Variants in LNPEP observed in about 807,000 individuals in gnomAD.
LNPEP encodes the protein leucyl-cystinyl aminopeptidase.
In LNPEP, 64 loss-of-function variants were observed where a neutral mutation model predicts 120.6. The ratio of observed to expected loss-of-function variants is 0.53; its 90% CI spans 0.43 to 0.65. LNPEP has a LOEUF of 0.65. LNPEP is among the 30% of genes least tolerant of loss of function. LNPEP has a pLI of 0.00. For synonymous variants in LNPEP, 435 were observed against 425.4 expected, an observed-to-expected ratio of 1.02 and a Z score of -0.28; for missense variants, 1,057 against 1,200.0, an observed-to-expected ratio of 0.88 and a Z score of 1.76.
intron 13 of LNPEP, among the ~76,000 whole-genome samples, chr5:97,021,923 G>GTTTTTTTTTTTTTTTTTTTTTTTTTTTTT (rs1165456605): frequency 1.7e-5 from 1 of 57,170 alleles, no homozygotes; most frequent in Non-Finnish European, 3.1e-5. Context: ...TTTGTCTTTT[G>GTTTTTTTTTTTTTTTTTTTTTTTTTTTTT]TTTTTTTTTT....
chr5:96,953,131 T>G (rs1789363707), intron 1 of LNPEP, among the ~76,000 whole-genome samples: 1 of 147,252 alleles, frequency 6.8e-6, no homozygotes, highest in Admixed American at 6.8e-5. Context: ...GGTTTGACTA[T>G]ACCTGGAACA....
intron 11 of LNPEP, among the ~76,000 whole-genome samples, chr5:97,013,084 C>G (rs1159326140): frequency 6.6e-6 from 1 of 152,118 alleles, no homozygotes; most frequent in Non-Finnish European, 1.5e-5. Context: ...CCTCTTTCCT[C>G]TAGCCATAAT....
chr5:96,983,267 A>G lies in LNPEP; in HGVS notation c.861-1813A>G, dbSNP rs183710965. Among the ~76,000 whole-genome samples, 6 of 151,892 alleles carry G rather than the reference A, an allele frequency of 4.0e-5. No homozygotes were observed. The South Asian group carries it at 6.2e-4, about 16-fold the overall frequency. On this transcript the variant is annotated intron_variant, in intron 2 of 17. Coordinates refer to ENST00000231368, the MANE Select transcript of LNPEP (RefSeq NM_005575.3). ...GCTACCACCTCCAAGTGGTGGTTGT[A>G]TATGTGCTATATTGATTGGTACCTG...
chr5:96,995,902 C>A (rs1002875213), intron 6 of LNPEP: 1 of 154,834 alleles, frequency 6.5e-6, no homozygotes, highest in African/African-American at 2.4e-5. Context: ...ATTTGGGCAA[C>A]TGAGGAGAAA....
rs774907275 is a variant in LNPEP at position 97,006,524 on chromosome 5, A to G, written c.2035+9A>G. 1.9e-5 allele frequency: 25 copies of G among 1,346,854 alleles called. No homozygotes were observed. Among genetic ancestry groups the G allele is most frequent in the Admixed American group, 3.5e-5 (2 of 57,658 alleles). 83.4% of individuals were successfully genotyped at this position (1,346,854 alleles called of 1,614,324 possible). A position where few individuals can be genotyped will look rare whatever the true frequency, so the allele number is the denominator to read the frequency against. On this transcript the variant is annotated intron_variant, in intron 11 of 17. Coordinates refer to ENST00000231368, the MANE Select transcript of LNPEP (RefSeq NM_005575.3). Reference sequence around the variant, plus strand: ...ACTGGATAAGAAATCAGGTTTGACTATAATGACAGTTCTGATTGGAAATGG... The same window carrying G: ...ACTGGATAAGAAATCAGGTTTGACTGTAATGACAGTTCTGATTGGAAATGG...
At chr5:97,027,573 G>A (rs965471282) in intron 16 of LNPEP, among the ~76,000 whole-genome samples, 160 bp from the exon 17 acceptor site, 2 of 151,886 alleles carry the variant, frequency 1.3e-5, no homozygotes, top group African/African-American at 2.4e-5. Flanking sequence ...CCTTCCCACC[G>A]ACAATAAGTA....
chr5:96,969,993 G>T (rs954175989), intron 1 of LNPEP, among the ~76,000 whole-genome samples: 1 of 151,680 alleles, frequency 6.6e-6, no homozygotes, highest in Non-Finnish European at 1.5e-5. Context: ...TCTAGGGATT[G>T]TTTACCTAAT....
intron 6 of LNPEP, among the ~76,000 whole-genome samples, chr5:96,995,511 G>A (rs1484542335): frequency 6.7e-6 from 1 of 149,304 alleles, no homozygotes; most frequent in East Asian, 2.0e-4. Context: ...GACTTCATTT[G>A]TTTATATATG....
chr5:97,019,802 A>G (rs185484631), intron 13 of LNPEP, among the ~76,000 whole-genome samples: 1 of 151,928 alleles, frequency 6.6e-6, no homozygotes, highest in Admixed American at 6.6e-5. Flanking sequence ...TTTGACAGTT[A>G]TGAGTAGGAT....
intron 3 of LNPEP, 128 bp from the exon 4 acceptor site, chr5:96,986,411 A>T: frequency 1.1e-6 from 1 of 871,652 alleles, no homozygotes; most frequent in Non-Finnish European, 1.8e-6. Flanking sequence ...AGAAATTCAT[A>T]CTGAGAGGTT....
At chr5:96,944,560 CTTTTT>C (rs60017687) in intron 1 of LNPEP, among the ~76,000 whole-genome samples, 10 of 56,364 alleles carry the variant, frequency 1.8e-4, no homozygotes, top group South Asian at 7.1e-4. Flanking sequence ...CTTATTTTTG[CTTTTT>C]TTTTTTTTTT....
rs749961185 is a variant in LNPEP at position 96,979,397 on chromosome 5, T to C, written c.279T>C (p.Thr93=). The change falls in exon 2 of 18, where the codon ACT becomes ACC. Residue 93 remains threonine, a synonymous_variant. Coordinates refer to ENST00000231368, the MANE Select transcript of LNPEP (RefSeq NM_005575.3). Reference sequence around the variant, plus strand: ...GCTCAGGCCTTCGGAACAGTGCAACTGGTTACAGGCAGAGCCCAGATGGGG... The same window carrying C: ...GCTCAGGCCTTCGGAACAGTGCAACCGGTTACAGGCAGAGCCCAGATGGGG... ...NRSSGLRNSA[T]GYRQSPDGAC... 4.3e-6 allele frequency: 7 copies of C among 1,614,104 alleles called. No individual in the cohort carries two copies. In the South Asian group the frequency reaches 6.6e-5, roughly 15 times the overall value.
chr5:97,027,673 G>A, intron 16 of LNPEP, 60 bp from the exon 17 acceptor site: 1 of 1,085,674 alleles, frequency 9.2e-7, no homozygotes, highest in East Asian at 2.4e-5. Flanking sequence ...CTTGCACTCA[G>A]GAACAACGCT....
chr5:96,994,604 C>T (rs1420257156), intron 6 of LNPEP, among the ~76,000 whole-genome samples: 1 of 152,028 alleles, frequency 6.6e-6, no homozygotes, highest in East Asian at 1.9e-4. Flanking sequence ...CATAACACCC[C>T]CATTCTTCCC....
At chr5:96,952,008 A>AT (rs146126614) in intron 1 of LNPEP, among the ~76,000 whole-genome samples, 2 of 152,004 alleles carry the variant, frequency 1.3e-5, no homozygotes, top group South Asian at 4.2e-4. Context: ...CACTCTTAAA[A>AT]TTTTTTTTAT....
chr5:96,943,880 C>T (rs1165233651), intron 1 of LNPEP, among the ~76,000 whole-genome samples: 1 of 152,160 alleles, frequency 6.6e-6, no homozygotes, highest in East Asian at 1.9e-4. Context: ...AGTCACTGAA[C>T]CAGAACTTGA....
chr5:96,984,455 T>A (rs1176295878), intron 2 of LNPEP, among the ~76,000 whole-genome samples: 3 of 152,120 alleles, frequency 2.0e-5, no homozygotes, highest in Non-Finnish European at 2.9e-5. Flanking sequence ...TCACGGAGGT[T>A]TGGGGAGTTC....
chr5:96,938,453 T>C (rs1788974421), intron 1 of LNPEP, among the ~76,000 whole-genome samples: 1 of 152,212 alleles, frequency 6.6e-6, no homozygotes, highest in Non-Finnish European at 1.5e-5. Context: ...CCACATATCT[T>C]TTAGTTAAAA....
rs754964824 is a variant in LNPEP, at chr5:96,993,987, GC to G, written c.1407+17del. On this transcript the variant is annotated intron_variant, in intron 6 of 17. Coordinates refer to ENST00000231368, the MANE Select transcript of LNPEP (RefSeq NM_005575.3). ...GGCCCACCAGGTATTAGCAACCAAG[GC>G]TGTTCTGTGTCACACCTGTGGTCTA... 2 of 1,611,736 alleles carry G rather than the reference GC, an allele frequency of 1.2e-6. No individual in the cohort carries two copies. Among genetic ancestry groups the G allele is most frequent in the Non-Finnish European group, 1.7e-6 (2 of 1,178,172 alleles).
Sources: allele counts gnomAD v4.1 joint callset (sites outside exome capture counted in the v4.1 genomes callset), GRCh38; gene constraint gnomAD v4.1.1; transcripts MANE v1.5; gene names NCBI Gene and HGNC (gene_info 2026-07-23, HGNC 2026-07-21).